Variants in FAM107B observed in about 807,000 individuals in gnomAD.
The protein encoded by FAM107B is protein FAM107B.
In FAM107B, 21 loss-of-function variants were observed where a neutral mutation model predicts 31.5. That is an observed-to-expected ratio of 0.67 (90% confidence interval 0.47 to 0.96). The LOEUF (loss-of-function observed/expected upper bound fraction) is 0.96. Ranked by LOEUF, FAM107B falls within the 40% of genes least tolerant of loss-of-function variation. The pLI is 0.00. For synonymous variants in FAM107B, 157 were observed against 141.5 expected (o/e 1.11, Z -0.78); for missense variants, 452 against 377.1 (o/e 1.20, Z -1.64).
intron 2 of FAM107B, among the ~76,000 whole-genome samples, chr10:14,624,905 T>C (rs999498308): frequency 2.0e-5 from 3 of 152,128 alleles, no homozygotes; most frequent in Non-Finnish European, 2.9e-5. Context: ...CTGATCTAGG[T>C]GGATGACAAT....
At chr10:14,638,979 C>T (rs1051903242) in intron 2 of FAM107B, among the ~76,000 whole-genome samples, 1 of 151,984 alleles carries the variant, frequency 6.6e-6, no homozygotes, top group Non-Finnish European at 1.5e-5. Context: ...TTGCTTGAGT[C>T]CAGGATTTCG....
chr10:14,715,471 C>T (rs1019118690), intron 1 of FAM107B, among the ~76,000 whole-genome samples: 7 of 152,180 alleles, frequency 4.6e-5, no homozygotes, highest in African/African-American at 9.7e-5. Flanking sequence ...CACCCCAAAA[C>T]GCAGTGGCTG....
chr10:14,594,774 C>A (rs575163694), intron 2 of FAM107B, among the ~76,000 whole-genome samples: 1 of 152,134 alleles, frequency 6.6e-6, no homozygotes, highest in Non-Finnish European at 1.5e-5. Context: ...CAACTGATTT[C>A]TAGAAATCAC....
At chr10:14,584,246 A>G (rs566912199) in intron 2 of FAM107B, among the ~76,000 whole-genome samples, 4 of 152,168 alleles carry the variant, frequency 2.6e-5, no homozygotes, top group Non-Finnish European at 5.9e-5. Context: ...CTTAAGCCCT[A>G]TAGGACCCTA....
intron 1 of FAM107B, among the ~76,000 whole-genome samples, chr10:14,693,318 A>G (rs1855188468): frequency 6.6e-6 from 1 of 152,098 alleles, no homozygotes. Context: ...TCTACTAAAA[A>G]TATTAAAAAA....
chr10:14,620,324 G>C (rs181288495), intron 2 of FAM107B, among the ~76,000 whole-genome samples: 32 of 151,964 alleles, frequency 2.1e-4, no homozygotes, highest in Non-Finnish European at 1.8e-4. Context: ...GCCTATTTCT[G>C]GATTTTCTAT....
intron 2 of FAM107B, among the ~76,000 whole-genome samples, chr10:14,545,549 T>C (rs1848617150): frequency 6.6e-6 from 1 of 152,240 alleles, no homozygotes; most frequent in African/African-American, 2.4e-5. Context: ...ATGCAGCAGA[T>C]ACTGACTAAA....
chr10:14,691,768 G>T (rs1360342552), intron 1 of FAM107B, among the ~76,000 whole-genome samples: 2 of 151,530 alleles, frequency 1.3e-5, no homozygotes, highest in Admixed American at 1.3e-4. Flanking sequence ...GTGGCAGGTG[G>T]CTATAATCCC....
intron 1 of FAM107B, among the ~76,000 whole-genome samples, chr10:14,759,542 T>C (rs549638924): frequency 6.6e-6 from 1 of 152,284 alleles, no homozygotes; most frequent in African/African-American, 2.4e-5. Flanking sequence ...CACTAGACTA[T>C]GAAGAACTTG....
chr10:14,629,631 G>A (rs923353005), intron 2 of FAM107B, among the ~76,000 whole-genome samples: 1 of 147,534 alleles, frequency 6.8e-6, no homozygotes, highest in Non-Finnish European at 1.5e-5. Context: ...TCCTGCCCCA[G>A]CCTCCCGAGT....
intron 1 of FAM107B, chr10:14,724,098 T>C (rs1449550998): frequency 1.7e-6 from 1 of 604,342 alleles, no homozygotes; most frequent in Non-Finnish European, 3.0e-6. Flanking sequence ...TCCAGAACAA[T>C]GCCAAATGGA....
At chr10:14,735,586 C>T (rs2257172) in intron 1 of FAM107B, among the ~76,000 whole-genome samples, 106,626 of 152,152 alleles carry the variant, frequency 0.7, 38,175 homozygotes, top group African/African-American at 0.87. Context: ...CAAAAGATAG[C>T]GTGCTTTAGA....
At chr10:14,681,300 C>T (rs7903521) in intron 1 of FAM107B, among the ~76,000 whole-genome samples, 19,139 of 152,156 alleles carry the variant, frequency 0.13, 1,395 homozygotes, top group East Asian at 0.21. Context: ...TGAGAATCAC[C>T]GTTGCAAAGG....
intron 1 of FAM107B, among the ~76,000 whole-genome samples, chr10:14,718,649 T>G (rs1022998698): frequency 6.6e-6 from 1 of 152,206 alleles, no homozygotes; most frequent in African/African-American, 2.4e-5. Context: ...CAACTGAAGA[T>G]GAGACCATCT....
intron 1 of FAM107B, chr10:14,723,282 T>G (rs1402683038): frequency 1.9e-6 from 1 of 537,664 alleles, no homozygotes; most frequent in Non-Finnish European, 3.7e-6. Context: ...AACTGCTGAA[T>G]AGGCACAGAG....
At chr10:14,700,941 T>C (rs1488935356) in intron 1 of FAM107B, among the ~76,000 whole-genome samples, 1 of 148,630 alleles carries the variant, frequency 6.7e-6, no homozygotes, top group Non-Finnish European at 1.5e-5. Flanking sequence ...ATGTGGCCCC[T>C]GGGGTGCTGT....
intron 2 of FAM107B, among the ~76,000 whole-genome samples, chr10:14,603,834 G>A (rs1852486971): frequency 6.6e-6 from 1 of 151,752 alleles, no homozygotes; most frequent in African/African-American, 2.4e-5. Context: ...GCGCGACCCG[G>A]TCCACGCCGG....
intron 2 of FAM107B, among the ~76,000 whole-genome samples, chr10:14,632,037 C>T (rs979587358): frequency 6.6e-6 from 1 of 152,170 alleles, no homozygotes; most frequent in South Asian, 2.1e-4. Flanking sequence ...GTGGCTCACA[C>T]CTGTAATCCC....
At chr10:14,528,174 GT>G (rs34584902) in intron 3 of FAM107B, 29,148 of 67,220 alleles carry the variant, frequency 0.43, 5,016 homozygotes, top group East Asian at 0.5. Flanking sequence ...TTAAGTTTTG[GT>G]TTTTTTTTTT....
Sources: allele counts gnomAD v4.1 joint callset (sites outside exome capture counted in the v4.1 genomes callset), GRCh38; gene constraint gnomAD v4.1.1; transcripts MANE v1.5; gene names NCBI Gene and HGNC (gene_info 2026-07-23, HGNC 2026-07-21).